The following HSPA4 variants were observed in gnomAD, a reference collection of about 807,000 sequenced individuals.
The protein encoded by HSPA4 is heat shock protein family A (Hsp70) member 4.
Under a neutral mutation model 106.2 loss-of-function variants are expected in HSPA4, and 25 were observed. The ratio of observed to expected loss-of-function variants is 0.24; its 90% CI spans 0.17 to 0.33. The LOEUF (loss-of-function observed/expected upper bound fraction) is 0.33, where lower values mean the gene tolerates loss of function less well. HSPA4 is among the 10% of genes least tolerant of loss of function. The pLI is 1.00. For missense variants in HSPA4, 841 were observed against 996.0 expected (o/e 0.84, Z 2.10); for synonymous variants, 332 against 333.6 (o/e 1.00, Z 0.05).
intron 4 of HSPA4, among the ~76,000 whole-genome samples, chr5:133,070,795 G>A (rs928667538): frequency 6.6e-6 from 1 of 152,072 alleles, no homozygotes; most frequent in Non-Finnish European, 1.5e-5. Context: ...CCAGCTATTC[G>A]GGAGGCTGAG....
chr5:133,062,066 A>T (rs1765252032), intron 1 of HSPA4, among the ~76,000 whole-genome samples: 1 of 152,208 alleles, frequency 6.6e-6, no homozygotes, highest in Non-Finnish European at 1.5e-5. Context: ...AAGCAGGAAG[A>T]TTGGGATACT....
chr5:133,103,544 C>T (rs1417494454), intron 17 of HSPA4, among the ~76,000 whole-genome samples: 1 of 152,140 alleles, frequency 6.6e-6, no homozygotes, highest in Admixed American at 6.5e-5. Context: ...CTTCAGCTCT[C>T]ATATCTAATG....
Position 133,076,836 on chromosome 5 carries a change from A to C in HSPA4, c.846A>C (p.Ser282=), listed in dbSNP as rs140392160. The change falls in exon 7 of 19, where the codon TCA becomes TCC. Residue 282 remains serine, a synonymous_variant. Transcript: ENST00000304858. ...AGAAATTGATGAGTGCAAATGCTTC[A>C]GATCTCCCTTTGAGCATTGAATGTT... ...KLKKLMSANA[S]DLPLSIECFM... 6 of 1,612,530 alleles carry C rather than the reference A, an allele frequency of 3.7e-6. No homozygotes were observed. Among genetic ancestry groups the C allele is most frequent in the Non-Finnish European group, 5.1e-6 (6 of 1,178,692 alleles).
At chr5:133,089,716 TAAAAAAG>T (rs1765621224) in intron 11 of HSPA4, 21 bp downstream of exon 11, 1 of 1,381,978 alleles carries the variant, frequency 7.2e-7, no homozygotes, top group East Asian at 2.8e-5. Flanking sequence ...AGTTGGAAAT[TAAAAAAG>T]AAAAAAAAAA....
chr5:133,064,234 G>A (rs75224067), intron 1 of HSPA4, among the ~76,000 whole-genome samples: 1,775 of 152,316 alleles, frequency 0.012, 35 homozygotes, highest in African/African-American at 0.04. Context: ...GGCCAGGTGC[G>A]GTGGCTCACG....
At chr5:133,090,808 A>G (rs73788302) in intron 11 of HSPA4, among the ~76,000 whole-genome samples, 3,313 of 152,306 alleles carry the variant, frequency 0.022, 111 homozygotes, top group African/African-American at 0.075. Flanking sequence ...TAGAAATGGC[A>G]ATTTACTGAT....
In HSPA4 at chr5:133,089,641, C is replaced by T. The variant is rs146596696; in HGVS notation, c.1324C>T (p.Leu442Phe). 4 of 1,611,650 alleles carry T rather than the reference C, an allele frequency of 2.5e-6. No individual in the cohort carries two copies. The African/African-American group carries it at 5.4e-5, about 22-fold the overall frequency. ...LTFYRKEPFT[L>F]EAYYSSPQDL... ...ATTTTATAGAAAGGAACCTTTCACTCTTGAGGCCTACTACAGCTCTCCTCA... is the reference window on the plus strand; with the variant it reads ...ATTTTATAGAAAGGAACCTTTCACTTTTGAGGCCTACTACAGCTCTCCTCA... The change falls in exon 11 of 19, where the codon CTT becomes TTT. Residue 442 changes from leucine (L) to phenylalanine (F), a missense_variant. Physicochemically the swap from Leu to Phe is conservative, Grantham distance 22. Around this residue, in one of 5 missense-constraint regions of HSPA4, gnomAD observed 162 missense variants for 177.7 expected, o/e 0.91. Coordinates refer to ENST00000304858, the MANE Select transcript of HSPA4 (RefSeq NM_002154.4).
At chr5:133,079,913 GACAGTTTGCCATGTTTATAC>G (rs1426332710) in intron 7 of HSPA4, among the ~76,000 whole-genome samples, 2 of 152,172 alleles carry the variant, frequency 1.3e-5, no homozygotes, top group Non-Finnish European at 2.9e-5. Flanking sequence ...GCATGTTGAT[GACAGTTTGCCATGTTTATAC>G]TTAAAAGTCA....
intron 1 of HSPA4, among the ~76,000 whole-genome samples, chr5:133,054,974 A>G (rs1215471756): frequency 6.6e-6 from 1 of 152,192 alleles, no homozygotes; most frequent in East Asian, 1.9e-4. Context: ...TTTCTTTTAG[A>G]TTATTATCAC....
At chr5:133,063,566 G>A (rs1340423633) in intron 1 of HSPA4, among the ~76,000 whole-genome samples, 1 of 151,668 alleles carries the variant, frequency 6.6e-6, no homozygotes, top group East Asian at 1.9e-4. Flanking sequence ...GAGTAGCTGG[G>A]ATTATAGGCG....
At chr5:133,095,068 T>C (rs1004129419) in intron 13 of HSPA4, among the ~76,000 whole-genome samples, 2 of 152,148 alleles carry the variant, frequency 1.3e-5, no homozygotes, top group African/African-American at 4.8e-5. Flanking sequence ...TCCAGCACTT[T>C]GGGAGGCTGA....
rs570518566 is a variant in HSPA4 at position 133,052,222 on chromosome 5, G to C, written c.-29G>C. On this transcript the variant is annotated 5_prime_UTR_variant, in exon 1 of 19. Coordinates refer to ENST00000304858, the MANE Select transcript of HSPA4 (RefSeq NM_002154.4). ...GTGTCCTGTCTCGGTGGCCGGACCC[G>C]GGCCCGAGCCCGAGCAGTAGCCGGC... 16 of 1,506,852 alleles carry C rather than the reference G, an allele frequency of 1.1e-5. No individual in the cohort carries two copies. The African/African-American group carries it at 2.1e-4, about 20-fold the overall frequency. The allele number at this position is 1,506,852 out of a possible 1,614,324, so 93.3% of individuals were successfully genotyped here.
intron 7 of HSPA4, among the ~76,000 whole-genome samples, chr5:133,080,288 G>A (rs772156070): frequency 7.9e-5 from 12 of 151,556 alleles, no homozygotes; most frequent in South Asian, 2.1e-4. Context: ...GGTGGTGTTC[G>A]CTTGTAGTAC....
At chr5:133,071,808 C>T (rs1269013742) in intron 4 of HSPA4, among the ~76,000 whole-genome samples, 1 of 152,174 alleles carries the variant, frequency 6.6e-6, no homozygotes, top group Non-Finnish European at 1.5e-5. Context: ...TAGTTGTGTA[C>T]ACCATTCTGG....
At chr5:133,067,698 C>G in intron 3 of HSPA4, 141 bp downstream of exon 3, 1 of 703,146 alleles carries the variant, frequency 1.4e-6, no homozygotes, top group Non-Finnish European at 2.3e-6. Flanking sequence ...CTAGTAAAGA[C>G]TATTTGACAA....
rs1188778329 is a variant in HSPA4 at position 133,052,262 on chromosome 5, G to T, written c.12G>T (p.Val4=). The part of the protein sequence containing the change: MSV[V]GIDLGFQSCY... ...CAGTAGCCGGCGCCATGTCGGTGGT[G>T]GGCATAGACCTGGGCTTCCAGAGCT... The change falls in exon 1 of 19, where the codon GTG becomes GTT. Residue 4 remains valine (V), a synonymous_variant. Coordinates refer to ENST00000304858, the MANE Select transcript of HSPA4 (RefSeq NM_002154.4). 1.3e-6 allele frequency: 2 copies of T among 1,591,310 alleles called. No homozygotes were observed. The highest frequency in any genetic ancestry group is 2.3e-5 in the South Asian group (2 of 88,836).
At chr5:133,100,985 T>C (rs928026799) in intron 16 of HSPA4, among the ~76,000 whole-genome samples, 1 of 152,170 alleles carries the variant, frequency 6.6e-6, no homozygotes, top group African/African-American at 2.4e-5. Flanking sequence ...TAATTTTTTT[T>C]GTAGGGAAAG....
intron 2 of HSPA4, among the ~76,000 whole-genome samples, chr5:133,066,735 TC>T (rs1220679884): frequency 3.7e-5 from 5 of 136,288 alleles, no homozygotes; most frequent in East Asian, 2.0e-4. Flanking sequence ...TTTTCTTTTT[TC>T]TTTTTTTTTT....
intron 1 of HSPA4, among the ~76,000 whole-genome samples, chr5:133,063,685 G>T (rs112374407): frequency 1.2e-4 from 18 of 150,806 alleles, no homozygotes; most frequent in African/African-American, 4.4e-4. Flanking sequence ...TGCCCGCCTC[G>T]GCCCCCCAAA....
Sources: allele counts gnomAD v4.1 joint callset (sites outside exome capture counted in the v4.1 genomes callset), GRCh38; gene constraint gnomAD v4.1.1; regional missense constraint gnomAD v4.1.1; transcripts MANE v1.5; gene names NCBI Gene and HGNC (gene_info 2026-07-23, HGNC 2026-07-21).